The following MAGI1 variants were observed in gnomAD, a reference collection of about 807,000 sequenced individuals.
MAGI1 encodes the protein membrane-associated guanylate kinase, WW and PDZ domain-containing protein 1.
MAGI1 carries 58 observed loss-of-function variants against 139.9 expected under a neutral mutation model. The observed-to-expected ratio is 0.41, with a 90% CI of 0.34 to 0.52. The LOEUF (loss-of-function observed/expected upper bound fraction) is 0.52, where lower values mean the gene tolerates loss of function less well. Among genes scored for constraint, MAGI1 ranks in the 20% least tolerant of loss-of-function variants. MAGI1 has a pLI of 0.12. For synonymous variants in MAGI1, 812 were observed against 737.9 expected (o/e 1.10, Z -1.63); for missense variants, 1,874 against 1,901.6 (o/e 0.99, Z 0.27).
intron 2 of MAGI1, among the ~76,000 whole-genome samples, chr3:65,499,576 T>C (rs2077003488): frequency 1.3e-5 from 2 of 152,132 alleles, no homozygotes; most frequent in South Asian, 4.2e-4. Flanking sequence ...TGAGCTGAGA[T>C]TGCGCCACTG....
At position 65,900,839 on chromosome 3, in the gene MAGI1, A is replaced by G. The variant is rs879767786; in HGVS notation, c.313+137157T>C. 4.6e-5 allele frequency among the ~76,000 whole-genome samples: 7 copies of G among 152,346 alleles called. No individual in the cohort carries two copies. The East Asian group carries it at 9.7e-4, about 21-fold the overall frequency. The stretch of plus-strand genomic sequence containing the variant: ...AGAATCCTTCTCCCTGGTATTTACA[A>G]TCAGAACTAAGAGATTCCAGCTTCA... On this transcript the variant is annotated intron_variant, in intron 1 of 22. Coordinates refer to ENST00000402939, the MANE Select transcript of MAGI1 (RefSeq NM_001033057.2).
chr3:65,356,730 C>G lies in MAGI1; in HGVS notation c.4037G>C (p.Arg1346Thr), dbSNP rs760652364. Residue 1346 changes from arginine to threonine, a missense_variant, in exon 23 of 23, where the codon AGA becomes ACA. Around this residue, in one of 5 missense-constraint regions of MAGI1, gnomAD observed 653 missense variants for 644.5 expected, o/e 1.01. Transcript: ENST00000402939. ...TLERREKHEKRRDVSPERRRE... is the reference protein window; with the variant it reads ...TLERREKHEKTRDVSPERRRE... The stretch of plus-strand genomic sequence containing the variant: ...CCTCCGCTCCGGAGAGACGTCTCGT[C>G]TCTTCTCGTGCTTCTCCCTCCTCTC... 6.3e-7 allele frequency: 1 copy of G among 1,594,412 alleles called. No homozygotes were observed. Among genetic ancestry groups the G allele is most frequent in the East Asian group, 2.2e-5 (1 of 44,670 alleles).
intron 1 of MAGI1, among the ~76,000 whole-genome samples, chr3:65,827,132 G>T (rs993272820): frequency 6.6e-6 from 1 of 152,182 alleles, no homozygotes; most frequent in Non-Finnish European, 1.5e-5. Context: ...CCAGTCCCAA[G>T]GAACCAGGGG....
At chr3:65,442,131 C>G (rs1461398348) in intron 8 of MAGI1, among the ~76,000 whole-genome samples, 2 of 149,998 alleles carry the variant, frequency 1.3e-5, no homozygotes, top group African/African-American at 4.9e-5. Flanking sequence ...TAATATCATC[C>G]TATCCATCAA....
intron 2 of MAGI1, among the ~76,000 whole-genome samples, chr3:65,534,070 A>G (rs981319825): frequency 6.6e-6 from 1 of 152,190 alleles, no homozygotes; most frequent in Non-Finnish European, 1.5e-5. Flanking sequence ...CCTAAGCCAG[A>G]TTATGGATTC....
chr3:65,491,610 C>T (rs537757903), intron 3 of MAGI1, among the ~76,000 whole-genome samples: 8 of 152,106 alleles, frequency 5.3e-5, no homozygotes, highest in Non-Finnish European at 1.2e-4. Flanking sequence ...AGAGGAGTCA[C>T]ACATGCTCTC....
intron 1 of MAGI1, among the ~76,000 whole-genome samples, chr3:65,827,325 C>T (rs991656208): frequency 1.3e-5 from 2 of 152,000 alleles, no homozygotes; most frequent in Non-Finnish European, 2.9e-5. Context: ...GTGGGGAAGA[C>T]GTAGGAGACA....
At chr3:65,779,630 C>G (rs73832952) in intron 1 of MAGI1, among the ~76,000 whole-genome samples, 2,003 of 152,328 alleles carry the variant, frequency 0.013, 49 homozygotes, top group African/African-American at 0.046. Context: ...CCCAGAAAAA[C>G]TCAACTAAAG....
At chr3:65,669,331 G>A (rs570700444) in intron 1 of MAGI1, among the ~76,000 whole-genome samples, 4 of 152,308 alleles carry the variant, frequency 2.6e-5, no homozygotes, top group African/African-American at 9.6e-5. Flanking sequence ...TTGCAAAATT[G>A]CTCTTGTTTG....
Position 65,775,942 on chromosome 3 carries a change from TAA to T in MAGI1, c.314-153856_314-153855del, listed in dbSNP as rs11371013. 2.6e-3 allele frequency among the ~76,000 whole-genome samples: 375 copies of T among 143,952 alleles called. 3 individuals are homozygous for T. Among genetic ancestry groups the T allele is most frequent in the African/African-American group, 8.7e-3 (341 of 39,154 alleles). 94.4% of individuals were successfully genotyped at this position (143,952 alleles called of 152,430 possible). ...CAGTCACAGAGTGAGACCCTGTCTT[TAA>T]AAAAAAAAAAAAAAGTTTCTAATTA... On this transcript the variant is annotated intron_variant, in intron 1 of 22. Coordinates refer to ENST00000402939, the MANE Select transcript of MAGI1 (RefSeq NM_001033057.2).
At chr3:65,659,126 G>C (rs138247275) in intron 1 of MAGI1, among the ~76,000 whole-genome samples, 51 of 152,170 alleles carry the variant, frequency 3.4e-4, no homozygotes, top group African/African-American at 1.0e-3. Flanking sequence ...AGGAAGTACA[G>C]AGCCAGTCTG....
At chr3:66,007,921 G>A (rs2067118093) in intron 1 of MAGI1, among the ~76,000 whole-genome samples, 1 of 125,888 alleles carries the variant, frequency 7.9e-6, no homozygotes, top group Non-Finnish European at 1.6e-5. Context: ...TTTGGACATA[G>A]AGTCTCACTC....
chr3:65,853,688 T>G (rs1238175186), intron 1 of MAGI1, among the ~76,000 whole-genome samples: 1 of 152,226 alleles, frequency 6.6e-6, no homozygotes, highest in Non-Finnish European at 1.5e-5. Context: ...AAAAGCAGTC[T>G]CTATCCTCAC....
chr3:65,825,101 A>C (rs1165588506), intron 1 of MAGI1, among the ~76,000 whole-genome samples: 1 of 152,226 alleles, frequency 6.6e-6, no homozygotes, highest in Non-Finnish European at 1.5e-5. Context: ...CTTAGAAAGC[A>C]TATTGGTCTG....
At chr3:65,784,996 T>C (rs1465797777) in intron 1 of MAGI1, among the ~76,000 whole-genome samples, 1 of 147,706 alleles carries the variant, frequency 6.8e-6, no homozygotes, top group Admixed American at 7.0e-5. Flanking sequence ...GGATATAGGA[T>C]TCCTTTTGGA....
chr3:65,371,291 G>C (rs569128358), intron 18 of MAGI1, among the ~76,000 whole-genome samples: 2 of 152,328 alleles, frequency 1.3e-5, no homozygotes, highest in African/African-American at 4.8e-5. Context: ...AGGTATTCCA[G>C]TAAAGTGAGT....
chr3:65,951,723 C>G (rs564231359), intron 1 of MAGI1, among the ~76,000 whole-genome samples: 8 of 152,314 alleles, frequency 5.3e-5, no homozygotes, highest in African/African-American at 1.2e-4. Flanking sequence ...TTCCAATCAG[C>G]TTAAGCCTTC....
At chr3:65,626,963 A>T (rs995476865) in intron 1 of MAGI1, among the ~76,000 whole-genome samples, 1 of 152,264 alleles carries the variant, frequency 6.6e-6, no homozygotes, top group Non-Finnish European at 1.5e-5. Flanking sequence ...TTGTCATAGC[A>T]TCTTCACTTT....
chr3:66,001,864 C>G (rs145606064), intron 1 of MAGI1, among the ~76,000 whole-genome samples: 1 of 152,150 alleles, frequency 6.6e-6, no homozygotes. Flanking sequence ...TAGAAAAACA[C>G]GGAAGCTGAA....
Sources: gnomAD v4.1 joint callset for allele counts (sites outside exome capture counted in the v4.1 genomes callset) on GRCh38, gnomAD v4.1.1 for gene constraint, gnomAD v4.1.1 regional missense constraint, MANE v1.5 for transcripts, NCBI Gene and HGNC (gene_info 2026-07-23, HGNC 2026-07-21) for gene names.